Variants in GSDMC observed in about 807,000 individuals in gnomAD.
The protein encoded by GSDMC is gasdermin C.
GSDMC carries 59 observed loss-of-function variants against 58.0 expected under a neutral mutation model. The ratio of observed to expected loss-of-function variants is 1.02; its 90% CI spans 0.82 to 1.26. GSDMC has a LOEUF of 1.26. Among genes scored for constraint, GSDMC ranks in the 50% most tolerant of loss-of-function variants. The pLI is 0.00. For missense variants in GSDMC, 659 were observed against 598.5 expected, an observed-to-expected ratio of 1.10 and a Z score of -1.06; for synonymous variants, 241 against 220.2, an observed-to-expected ratio of 1.09 and a Z score of -0.83.
At chr8:129,717,703 A>G in the GSDMC span, among the ~76,000 whole-genome samples, 1 of 152,168 alleles carries the variant, frequency 6.6e-6, no homozygotes. Flanking sequence ...AAAAGAGACC[A>G]TATAGAAAAA....
At chr8:129,731,329 C>A in the GSDMC span, among the ~76,000 whole-genome samples, 1 of 152,200 alleles carries the variant, frequency 6.6e-6, no homozygotes, top group Non-Finnish European at 1.5e-5. Flanking sequence ...TGGGCCAGAG[C>A]TGCTGTGCAG....
chr8:129,719,211 G>T, the GSDMC span, among the ~76,000 whole-genome samples: 1 of 152,076 alleles, frequency 6.6e-6, no homozygotes, highest in Non-Finnish European at 1.5e-5. Context: ...GAAAAAGAAA[G>T]ATGCATTTGG....
chr8:129,776,075 C>A, intron 3 of GSDMC, 27 bp downstream of exon 3: 3 of 1,557,606 alleles, frequency 1.9e-6, no homozygotes, highest in South Asian at 2.3e-5. Flanking sequence ...ACTGATGATC[C>A]ATCCCCTTCC....
chr8:129,773,533 C>T (rs1393122631), intron 3 of GSDMC, among the ~76,000 whole-genome samples: 1 of 152,116 alleles, frequency 6.6e-6, no homozygotes, highest in African/African-American at 2.4e-5. Flanking sequence ...ACCTGTAATT[C>T]CAGCTCTTTG....
Position 129,749,454 on chromosome 8 carries a change from G to C in GSDMC, c.1285C>G (p.Leu429Val), listed in dbSNP as rs759275225. 6.2e-7 allele frequency: 1 copy of C among 1,610,638 alleles called. No homozygotes were observed. Among genetic ancestry groups the C allele is most frequent in the East Asian group, 2.2e-5 (1 of 44,872 alleles). Reference sequence around the variant, plus strand: ...TCTGGCCCCTGGGAAGTTCTCACCAGCTCCTGTTGCTGAAGCAGGATCCTC... The same window carrying C: ...TCTGGCCCCTGGGAAGTTCTCACCACCTCCTGTTGCTGAAGCAGGATCCTC... ...EKRILLQQQE[L>V]VRSILEPNFR... is the part of the protein sequence containing the mutation. The change falls in exon 13 of 14, where the codon CTG (leucine) becomes GTG (valine). Residue 429 changes from leucine to valine, a missense_variant and splice_region_variant. Transcript: ENST00000276708.
At chr8:129,766,395 C>G (rs890452851) in intron 3 of GSDMC, among the ~76,000 whole-genome samples, 1 of 152,140 alleles carries the variant, frequency 6.6e-6, no homozygotes, top group Non-Finnish European at 1.5e-5. Context: ...TCAGTTCTTT[C>G]TGAAGTTCAA....
intron 6 of GSDMC, among the ~76,000 whole-genome samples, chr8:129,758,546 A>T (rs765433598): frequency 2.0e-5 from 3 of 152,230 alleles, no homozygotes; most frequent in Non-Finnish European, 2.9e-5. Flanking sequence ...CAACATACAA[A>T]AATCAGTGGC....
intron 7 of GSDMC, 42 bp from the exon 8 acceptor site, chr8:129,752,189 C>T: frequency 6.7e-7 from 1 of 1,492,994 alleles, no homozygotes; most frequent in Non-Finnish European, 9.3e-7. Flanking sequence ...AAACATTAGT[C>T]TACCCCTACT....
downstream of GSDMC, among the ~76,000 whole-genome samples, chr8:129,747,293 A>G (rs1260751360): frequency 6.6e-6 from 1 of 152,062 alleles, no homozygotes. Flanking sequence ...ATTAACACTA[A>G]ACAGCCATGA....
chr8:129,762,955 G>C (rs1308240528), intron 4 of GSDMC, among the ~76,000 whole-genome samples: 1 of 151,908 alleles, frequency 6.6e-6, no homozygotes, highest in Non-Finnish European at 1.5e-5. Context: ...TTTCTTTCCA[G>C]ATTTAACTAT....
In GSDMC at chr8:129,750,494, G is replaced by A. The variant is rs375698844; in HGVS notation, c.1020C>T (p.Val340=). 1.9e-6 allele frequency: 3 copies of A among 1,613,332 alleles called. No individual in the cohort carries two copies. The highest frequency in any genetic ancestry group is 2.5e-6 in the Non-Finnish European group (3 of 1,179,398). The change falls in exon 11 of 14, where the codon GTC becomes GTT. Residue 340 remains valine, a synonymous_variant. Transcript: ENST00000276708. ...GCATGGCCAGGATACTGTAGAACAT[G>A]ACATCCTGAACATCCTTTGAGAGCT... ...LAQLSKDVQD[V]MFYSILAMLR...
the GSDMC span, chr8:129,728,638 C>T: frequency 3.7e-6 from 1 of 271,268 alleles, no homozygotes; most frequent in African/African-American, 2.2e-5. Flanking sequence ...TCTAGGGCAA[C>T]ACAGAGCTTC....
chr8:129,731,813 T>C, the GSDMC span, among the ~76,000 whole-genome samples: 1 of 152,130 alleles, frequency 6.6e-6, no homozygotes, highest in African/African-American at 2.4e-5. Flanking sequence ...AAGTTAAATA[T>C]CTAAAATTTT....
chr8:129,758,977 T>C (rs2130415166), intron 6 of GSDMC, among the ~76,000 whole-genome samples: 1 of 152,218 alleles, frequency 6.6e-6, no homozygotes, highest in East Asian at 1.9e-4. Context: ...TGCAGAGCTA[T>C]AGTAACCAAA....
At chr8:129,751,611 C>G (rs117301865) in intron 9 of GSDMC, 43 bp from the exon 10 acceptor site, 5 of 1,597,290 alleles carry the variant, frequency 3.1e-6, no homozygotes, top group Non-Finnish European at 4.3e-6. Context: ...CTCATCCCCC[C>G]AAATTTGCTT....
At chr8:129,728,360 C>G in the GSDMC span, among the ~76,000 whole-genome samples, 1 of 152,184 alleles carries the variant, frequency 6.6e-6, no homozygotes, top group South Asian at 2.1e-4. Flanking sequence ...GGCGGATCTC[C>G]GGGCATCTGG....
At chr8:129,778,921 A>T (rs964015191) in intron 1 of GSDMC, among the ~76,000 whole-genome samples, 1 of 152,208 alleles carries the variant, frequency 6.6e-6, no homozygotes, top group Non-Finnish European at 1.5e-5. Context: ...ATCATCTCAC[A>T]CAAGTCTGAA....
chr8:129,730,091 T>C, the GSDMC span: 2 of 1,009,754 alleles, frequency 2.0e-6, no homozygotes, highest in Non-Finnish European at 2.9e-6. Flanking sequence ...AACTTTTTAA[T>C]TCTTGTAACA....
the GSDMC span, among the ~76,000 whole-genome samples, chr8:129,710,419 T>C: frequency 6.6e-6 from 1 of 152,200 alleles, no homozygotes; most frequent in Non-Finnish European, 1.5e-5. Context: ...TTTCTTGTGT[T>C]TGGTGTGTTC....
Sources: gnomAD v4.1 joint callset for allele counts (sites outside exome capture counted in the v4.1 genomes callset) on GRCh38, gnomAD v4.1.1 for gene constraint, MANE v1.5 for transcripts, NCBI Gene and HGNC (gene_info 2026-07-23, HGNC 2026-07-21) for gene names.